Variants in SLC30A8 observed in about 807,000 individuals in gnomAD.
SLC30A8 encodes solute carrier family 30 member 8.
Under a neutral mutation model 36.9 loss-of-function variants are expected in SLC30A8, and 27 were observed. The observed-to-expected ratio is 0.73, with a 90% CI of 0.54 to 1.01. The LOEUF (loss-of-function observed/expected upper bound fraction) is 1.01, where lower values mean the gene tolerates loss of function less well. SLC30A8 is among the 50% of genes least tolerant of loss of function. SLC30A8 has a pLI of 0.00. For missense variants in SLC30A8, 439 were observed against 452.0 expected, an observed-to-expected ratio of 0.97 and a Z score of 0.26; for synonymous variants, 164 against 172.4, an observed-to-expected ratio of 0.95 and a Z score of 0.38.
At chr8:117,163,375 GA>G in intron 5 of SLC30A8, 49 bp from the exon 6 acceptor site, 1 of 1,390,474 alleles carries the variant, frequency 7.2e-7, no homozygotes, top group Non-Finnish European at 1.0e-6. Context: ...CAGACTTTCT[GA>G]AAGAGAGGTA....
At chr8:117,067,220 A>G (rs1586463779) in intron 2 of SLC30A8, among the ~76,000 whole-genome samples, 1 of 152,172 alleles carries the variant, frequency 6.6e-6, no homozygotes, top group African/African-American at 2.4e-5. Context: ...CGTAGGGATT[A>G]TGAGAACAGC....
chr8:116,987,843 G>A (rs1053022476), intron 1 of SLC30A8, among the ~76,000 whole-genome samples: 1 of 151,986 alleles, frequency 6.6e-6, no homozygotes, highest in East Asian at 1.9e-4. Context: ...TTACAGATGC[G>A]TGCCACCACG....
At chr8:117,149,316 A>G (rs189048359) in intron 2 of SLC30A8, among the ~76,000 whole-genome samples, 33 of 152,268 alleles carry the variant, frequency 2.2e-4, no homozygotes, top group Admixed American at 3.3e-4. Context: ...ACATGATATG[A>G]TCTTTGCATT....
intron 2 of SLC30A8, among the ~76,000 whole-genome samples, chr8:117,096,878 A>T (rs972831361): frequency 4.6e-5 from 7 of 152,022 alleles, no homozygotes; most frequent in Non-Finnish European, 8.8e-5. Context: ...TCCCACTCAC[A>T]CACAAAATCA....
chr8:116,959,585 G>T, intron 1 of SLC30A8, among the ~76,000 whole-genome samples: 2 of 151,806 alleles, frequency 1.3e-5, no homozygotes, highest in South Asian at 2.1e-4. Context: ...TTTTTTTCTG[G>T]GATGCAGTTA....
intron 2 of SLC30A8, among the ~76,000 whole-genome samples, chr8:117,094,535 T>C (rs561128036): frequency 6.6e-6 from 1 of 152,298 alleles, no homozygotes; most frequent in Non-Finnish European, 1.5e-5. Context: ...TAGTTCCTCT[T>C]TGCAGCTGTT....
At chr8:117,071,943 C>T (rs966997075) in intron 2 of SLC30A8, among the ~76,000 whole-genome samples, 2 of 152,080 alleles carry the variant, frequency 1.3e-5, no homozygotes, top group Non-Finnish European at 2.9e-5. Context: ...ATCTCCCACC[C>T]TTCTCTGCCT....
At chr8:116,997,488 AAAATT>A (rs1164690495) in intron 1 of SLC30A8, among the ~76,000 whole-genome samples, 1 of 150,070 alleles carries the variant, frequency 6.7e-6, no homozygotes, top group African/African-American at 2.5e-5. Flanking sequence ...TAGCTATTAG[AAAATT>A]AAATCAGTTT....
upstream of SLC30A8, among the ~76,000 whole-genome samples, chr8:117,130,867 T>C (rs1821106429): frequency 6.6e-6 from 1 of 151,934 alleles, no homozygotes; most frequent in Non-Finnish European, 1.5e-5. Flanking sequence ...TGAAGAAATA[T>C]ACACTTCATA....
chr8:117,093,993 A>G (rs765047659), intron 2 of SLC30A8, among the ~76,000 whole-genome samples: 34 of 152,198 alleles, frequency 2.2e-4, no homozygotes, highest in Admixed American at 6.5e-4. Context: ...CTTTGGCTGG[A>G]CCAGGCATCC....
intron 2 of SLC30A8, among the ~76,000 whole-genome samples, chr8:117,045,306 T>C (rs1468222260): frequency 2.0e-5 from 3 of 152,176 alleles, no homozygotes; most frequent in Non-Finnish European, 4.4e-5. Context: ...GCCATCTTTC[T>C]CCTCACCAGG....
intron 2 of SLC30A8, chr8:117,056,191 A>C (rs556784899): frequency 2.6e-5 from 4 of 152,318 alleles, no homozygotes; most frequent in African/African-American, 9.6e-5. Flanking sequence ...AGGGCAGTAT[A>C]ATTAATAATG....
At chr8:117,069,770 C>T (rs1294821807) in intron 2 of SLC30A8, among the ~76,000 whole-genome samples, 1 of 152,156 alleles carries the variant, frequency 6.6e-6, no homozygotes, top group East Asian at 1.9e-4. Flanking sequence ...GCATTGTCTC[C>T]CCACAGTAGC....
At chr8:117,022,275 T>A (rs990505311) in intron 1 of SLC30A8, among the ~76,000 whole-genome samples, 2 of 152,140 alleles carry the variant, frequency 1.3e-5, no homozygotes, top group Non-Finnish European at 2.9e-5. Flanking sequence ...AAAATTTTTT[T>A]AAACAGGTCA....
intron 1 of SLC30A8, among the ~76,000 whole-genome samples, chr8:117,036,824 A>T (rs1586427614): frequency 6.6e-6 from 1 of 152,140 alleles, no homozygotes; most frequent in South Asian, 2.1e-4. Flanking sequence ...CTGAGACTCG[A>T]TGTGGCCCAG....
At chr8:117,062,929 C>A (rs1302947498) in intron 2 of SLC30A8, among the ~76,000 whole-genome samples, 1 of 152,184 alleles carries the variant, frequency 6.6e-6, no homozygotes, top group East Asian at 1.9e-4. Context: ...TGATTGGAAT[C>A]CTCACTTAAA....
At chr8:117,112,379 C>G (rs891181971) in intron 2 of SLC30A8, among the ~76,000 whole-genome samples, 11 of 152,094 alleles carry the variant, frequency 7.2e-5, no homozygotes, top group Admixed American at 5.9e-4. Flanking sequence ...TAACTCAGTT[C>G]AGAATAGTTA....
chr8:117,088,849 T>C (rs1012140981), intron 2 of SLC30A8, among the ~76,000 whole-genome samples: 10 of 152,218 alleles, frequency 6.6e-5, no homozygotes, highest in Non-Finnish European at 1.3e-4. Flanking sequence ...CGTTGGTTGG[T>C]AGGTGGATCC....
chr8:117,157,899 T>C, intron 4 of SLC30A8, 55 bp downstream of exon 4: 1 of 1,587,464 alleles, frequency 6.3e-7, no homozygotes, highest in East Asian at 2.2e-5. Flanking sequence ...TGTAACTATC[T>C]GGACAAAGTC....
Sources: gnomAD v4.1 joint callset for allele counts (sites outside exome capture counted in the v4.1 genomes callset) on GRCh38, gnomAD v4.1.1 for gene constraint, MANE v1.5 for transcripts, NCBI Gene and HGNC (gene_info 2026-07-23, HGNC 2026-07-21) for gene names.